The following DOCK8 variants were observed in gnomAD, a reference collection of about 807,000 sequenced individuals.
DOCK8 encodes the protein dedicator of cytokinesis 8.
In DOCK8, 141 loss-of-function variants were observed where a neutral mutation model predicts 245.6. That is an observed-to-expected ratio of 0.57 (90% confidence interval 0.50 to 0.66). DOCK8 has a LOEUF of 0.66. Among genes scored for constraint, DOCK8 ranks in the 30% least tolerant of loss-of-function variants. The probability of loss-of-function intolerance (pLI) is 0.00; values close to 1 mark genes in which losing one functional copy is unlikely to be tolerated. For synonymous variants in DOCK8, 1,168 were observed against 970.2 expected, an observed-to-expected ratio of 1.20 and a Z score of -3.79; for missense variants, 2,965 against 2,603.4, an observed-to-expected ratio of 1.14 and a Z score of -3.02.
In DOCK8 at chr9:446,734, A is replaced by G. The variant is rs892031862; in HGVS notation, c.5817+128A>G. On this transcript the variant is annotated intron_variant, in intron 44 of 47. Transcript: ENST00000432829. ...AGGGATGCACTTGAAATATGATTAT[A>G]TGGTTGTCCTTTCACTCTCATAGTG... 19 of 833,510 alleles carry G rather than the reference A, an allele frequency of 2.3e-5. No individual in the cohort carries two copies. The African/African-American group carries it at 2.9e-4, about 13-fold the overall frequency. The allele number at this position is 833,510 out of a possible 1,614,324, so 51.6% of individuals were successfully genotyped here. A position where few individuals can be genotyped will look rare whatever the true frequency, so the allele number is the denominator to read the frequency against.
chr9:272,719 AT>A (rs1351563877), intron 2 of DOCK8, among the ~76,000 whole-genome samples: 1 of 152,174 alleles, frequency 6.6e-6, no homozygotes, highest in Non-Finnish European at 1.5e-5. Context: ...TTCCTCTTAA[AT>A]TGAAGATTGC....
At chr9:349,713 C>T (rs539266444) in intron 14 of DOCK8, among the ~76,000 whole-genome samples, 6 of 152,280 alleles carry the variant, frequency 3.9e-5, no homozygotes, top group South Asian at 4.1e-4. Context: ...AGACCAGTTT[C>T]GTTATCCCAT....
At chr9:433,193 A>T (rs939488312) in intron 37 of DOCK8, among the ~76,000 whole-genome samples, 4 of 152,232 alleles carry the variant, frequency 2.6e-5, no homozygotes, top group African/African-American at 7.2e-5. Flanking sequence ...TTCACCAACA[A>T]GACCAATCAA....
chr9:438,014 T>G (rs759197104), intron 39 of DOCK8, among the ~76,000 whole-genome samples: 2 of 152,272 alleles, frequency 1.3e-5, no homozygotes, highest in Non-Finnish European at 2.9e-5. Context: ...TCTTGGATCT[T>G]CTGTTGTCAC....
chr9:272,448 T>G (rs1285532705), intron 2 of DOCK8, among the ~76,000 whole-genome samples: 1 of 152,130 alleles, frequency 6.6e-6, no homozygotes, highest in African/African-American at 2.4e-5. Context: ...AGAGGTGTGA[T>G]CTCAGCTCAC....
intron 39 of DOCK8, 127 bp downstream of exon 39, chr9:435,102 A>G: frequency 1.8e-6 from 2 of 1,085,282 alleles, no homozygotes; most frequent in South Asian, 2.7e-5. Context: ...ATGGGTGAGT[A>G]GGTGCTACTG....
rs1043647244 is a variant in DOCK8, at chr9:420,526, G to A, written c.3966G>A (p.Thr1322=). 20 of 1,614,006 alleles carry A rather than the reference G, an allele frequency of 1.2e-5. No homozygotes were observed. The highest frequency in any genetic ancestry group is 2.7e-5 in the African/African-American group (2 of 74,902). The part of the protein sequence containing the change: ...IRKWIADLPS[T]QLNRILDLLF... Reference sequence around the variant, plus strand: ...AGTGGATTGCTGACCTGCCATCAACGCAGCTCAACAGGATTTTAGATCTAC... The same window carrying A: ...AGTGGATTGCTGACCTGCCATCAACACAGCTCAACAGGATTTTAGATCTAC... Residue 1322 remains threonine (T), a synonymous_variant, in exon 31 of 48, where the codon ACG becomes ACA. Coordinates refer to ENST00000432829, the MANE Select transcript of DOCK8 (RefSeq NM_203447.4).
At chr9:400,940 A>ACCACCACCACCT (rs1586918975) in intron 26 of DOCK8, among the ~76,000 whole-genome samples, 4 of 55,708 alleles carry the variant, frequency 7.2e-5, no homozygotes, top group Non-Finnish European at 5.7e-5. Context: ...AACATCCACC[A>ACCACCACCACCT]CCACCATCAC....
At chr9:251,972 CTTTTT>C (rs34456943) in intron 1 of DOCK8, among the ~76,000 whole-genome samples, 7 of 130,602 alleles carry the variant, frequency 5.4e-5, no homozygotes, top group Non-Finnish European at 6.4e-5. Context: ...ATTGTGTTTT[CTTTTT>C]TTTTTTTTTT....
At chr9:314,958 C>A (rs1359343211) in intron 6 of DOCK8, among the ~76,000 whole-genome samples, 1 of 152,184 alleles carries the variant, frequency 6.6e-6, no homozygotes, top group Non-Finnish European at 1.5e-5. Flanking sequence ...CTAATTCATT[C>A]TGAGTCTACA....
chr9:365,811 T>A (rs1453031592), intron 14 of DOCK8: 3 of 369,846 alleles, frequency 8.1e-6, no homozygotes, highest in Non-Finnish European at 1.1e-5. Flanking sequence ...GCAGTGGAGA[T>A]GAACAGAAGT....
chr9:396,464 C>T (rs765165609), intron 24 of DOCK8, among the ~76,000 whole-genome samples: 2 of 152,190 alleles, frequency 1.3e-5, no homozygotes, highest in Admixed American at 6.5e-5. Flanking sequence ...TACAGGAGCC[C>T]AGCTCAGGTC....
intron 34 of DOCK8, 129 bp from the exon 35 acceptor site, chr9:428,233 G>T: frequency 7.0e-7 from 1 of 1,425,060 alleles, no homozygotes; most frequent in Non-Finnish European, 9.8e-7. Context: ...GATACCCATG[G>T]TGGCTCACCA....
intron 1 of DOCK8, among the ~76,000 whole-genome samples, chr9:222,409 G>T (rs1346612268): frequency 1.3e-5 from 2 of 152,118 alleles, no homozygotes; most frequent in African/African-American, 2.4e-5. Context: ...TTGGTCATAG[G>T]AAAGAAACAT....
At chr9:344,776 G>A (rs917762646) in intron 14 of DOCK8, among the ~76,000 whole-genome samples, 5 of 152,292 alleles carry the variant, frequency 3.3e-5, no homozygotes, top group Non-Finnish European at 5.9e-5. Flanking sequence ...GGCCAGGTGT[G>A]GTGGCTCACA....
At chr9:272,845 T>G (rs1232477605) in intron 2 of DOCK8, 1 of 159,558 alleles carries the variant, frequency 6.3e-6, no homozygotes, top group East Asian at 1.9e-4. Flanking sequence ...AGATGGTTTG[T>G]AAAACCAGCA....
chr9:371,364 T>C, intron 16 of DOCK8, 64 bp from the exon 17 acceptor site: 1 of 1,602,250 alleles, frequency 6.2e-7, no homozygotes, highest in Non-Finnish European at 8.5e-7. Context: ...CTGTGGCGTT[T>C]TACAATCAGA....
At chr9:312,690 C>T (rs560309614) in intron 6 of DOCK8, 110 of 341,082 alleles carry the variant, frequency 3.2e-4, no homozygotes, top group Non-Finnish European at 5.9e-4. Context: ...TGATTGTTTA[C>T]TTCTTCATTT....
intron 3 of DOCK8, among the ~76,000 whole-genome samples, chr9:287,128 T>C (rs1156634045): frequency 6.6e-6 from 1 of 152,228 alleles, no homozygotes; most frequent in Non-Finnish European, 1.5e-5. Flanking sequence ...TACTATGTTC[T>C]GGGTACTGAG....
Sources: gnomAD v4.1 joint callset for allele counts (sites outside exome capture counted in the v4.1 genomes callset) on GRCh38, gnomAD v4.1.1 for gene constraint, MANE v1.5 for transcripts, NCBI Gene and HGNC (gene_info 2026-07-23, HGNC 2026-07-21) for gene names.